The following STARD6 variants were observed in gnomAD, a reference collection of about 807,000 sequenced individuals.
STARD6 encodes stAR-related lipid transfer protein 6.
STARD6 carries 21 observed loss-of-function variants against 22.3 expected under a neutral mutation model. That is an observed-to-expected ratio of 0.94 (90% CI 0.67 to 1.35). The LOEUF is 1.35. Among genes scored for constraint, STARD6 ranks in the 40% most tolerant of loss-of-function variants. The pLI, the probability that STARD6 is intolerant of heterozygous loss-of-function variation, is 0.00. For missense variants in STARD6, 269 were observed against 266.9 expected, an observed-to-expected ratio of 1.01 and a Z score of -0.05; for synonymous variants, 80 against 88.1, an observed-to-expected ratio of 0.91 and a Z score of 0.52.
intron 4 of STARD6, among the ~76,000 whole-genome samples, chr18:54,343,335 C>G (rs1287283476): frequency 7.0e-6 from 1 of 143,048 alleles, no homozygotes; most frequent in Admixed American, 6.8e-5. Flanking sequence ...TGAGGAGCAT[C>G]TCCGCCCGGC....
chr18:54,324,733 T>C lies in STARD6; in HGVS notation c.622A>G (p.Thr208Ala), dbSNP rs1033896873. 7 of 1,613,150 alleles carry C rather than the reference T, an allele frequency of 4.3e-6. No individual in the cohort carries two copies. Among genetic ancestry groups the C allele is most frequent in the Non-Finnish European group, 5.9e-6 (7 of 1,179,614 alleles). Residue 208 changes from threonine (T) to alanine (A), a missense_variant, in exon 8 of 8, where the codon ACT becomes GCT. By Grantham distance (58) the Thr-to-Ala change is moderately conservative. Transcript: ENST00000307844. ...NAKDGIKAHR[T>A]PSRRGFHHNS... ...TGATGAAATCCACGTCTTGATGGAG[T>C]TCTGTGTGCCTTTATTCCATCTTTT...
intron 5 of STARD6, among the ~76,000 whole-genome samples, chr18:54,335,331 G>A (rs2088899305): frequency 1.3e-5 from 2 of 151,792 alleles, no homozygotes; most frequent in African/African-American, 4.8e-5. Context: ...AGTAGCTGGG[G>A]TCACAGGCGC....
intron 4 of STARD6, among the ~76,000 whole-genome samples, chr18:54,340,343 AGATTCT>A (rs1330674262): frequency 6.6e-6 from 1 of 152,164 alleles, no homozygotes; most frequent in Non-Finnish European, 1.5e-5. Context: ...CATCTGCAGT[AGATTCT>A]GATGAATTAA....
In STARD6 at chr18:54,354,505, G is replaced by C. The variant is rs559785396; in HGVS notation, c.69C>G (p.Gly23=). 8 of 1,613,186 alleles carry C rather than the reference G, an allele frequency of 5.0e-6. No homozygotes were observed. The highest frequency in any genetic ancestry group is 6.8e-6 in the Non-Finnish European group (8 of 1,179,564). The change falls in exon 3 of 8, where the codon GGC becomes GGG. Residue 23 remains glycine, a synonymous_variant. Coordinates refer to ENST00000307844, the MANE Select transcript of STARD6 (RefSeq NM_139171.2). ...EVLGYNRDTS[G]WKVVKTSKKI... is the part of the protein sequence containing the mutation. Reference sequence around the variant, plus strand: ...TTACTGAAGTTTTAACCACTTTCCAGCCTGATGTATCTCGATTATAACCTA... The same window carrying C: ...TTACTGAAGTTTTAACCACTTTCCACCCTGATGTATCTCGATTATAACCTA...
chr18:54,345,891 T>C (rs2089029144), intron 4 of STARD6, among the ~76,000 whole-genome samples: 1 of 152,144 alleles, frequency 6.6e-6, no homozygotes, highest in Non-Finnish European at 1.5e-5. Context: ...AAAGATTGAA[T>C]TGGACTCCTG....
At chr18:54,332,399 C>A (rs985643454) in intron 5 of STARD6, among the ~76,000 whole-genome samples, 1 of 152,216 alleles carries the variant, frequency 6.6e-6, no homozygotes, top group Non-Finnish European at 1.5e-5. Flanking sequence ...AAACAACCCT[C>A]CTTCTCAACA....
intron 1 of STARD6, among the ~76,000 whole-genome samples, chr18:54,357,318 A>T (rs2089159969): frequency 6.6e-6 from 1 of 152,086 alleles, no homozygotes; most frequent in Non-Finnish European, 1.5e-5. Context: ...GGTCACTGCC[A>T]TTCTTCCCTG....
At chr18:54,343,452 G>A (rs1416637511) in intron 4 of STARD6, among the ~76,000 whole-genome samples, 2 of 130,626 alleles carry the variant, frequency 1.5e-5, no homozygotes, top group African/African-American at 6.0e-5. Flanking sequence ...CAGCCGCCCG[G>A]TCTGGGAGGT....
chr18:54,349,919 A>G (rs1317447576), intron 4 of STARD6, among the ~76,000 whole-genome samples: 1 of 152,126 alleles, frequency 6.6e-6, no homozygotes, highest in Admixed American at 6.6e-5. Flanking sequence ...TATAATTGCA[A>G]TTGCAAATTG....
chr18:54,335,486 G>A (rs1044089967), intron 5 of STARD6, among the ~76,000 whole-genome samples: 1 of 152,006 alleles, frequency 6.6e-6, no homozygotes, highest in Non-Finnish European at 1.5e-5. Context: ...GAGCCACCGC[G>A]CTCAGCCCCA....
intron 4 of STARD6, among the ~76,000 whole-genome samples, chr18:54,342,469 C>T (rs201200209): frequency 6.9e-6 from 1 of 144,796 alleles, no homozygotes; most frequent in African/African-American, 2.8e-5. Context: ...CTCTCCCTCC[C>T]TCTCCGTCTC....
intron 5 of STARD6, among the ~76,000 whole-genome samples, chr18:54,333,803 G>GTTTA (rs1055973312): frequency 6.6e-6 from 1 of 152,146 alleles, no homozygotes; most frequent in African/African-American, 2.4e-5. Context: ...TATGTGGGAT[G>GTTTA]TTTATTTATT....
At chr18:54,340,143 T>C (rs4939758) in intron 4 of STARD6, among the ~76,000 whole-genome samples, 54,394 of 151,974 alleles carry the variant, frequency 0.36, 11,298 homozygotes, top group East Asian at 0.68. Context: ...TATCTTGAAG[T>C]ATGTTTGTAT....
At chr18:54,350,784 G>A (rs114625388) in intron 4 of STARD6, among the ~76,000 whole-genome samples, 50 of 152,288 alleles carry the variant, frequency 3.3e-4, no homozygotes, top group African/African-American at 1.2e-3. Flanking sequence ...TTGTGGATCA[G>A]TTGGCTGTGG....
At chr18:54,342,529 C>T (rs1316906017) in intron 4 of STARD6, among the ~76,000 whole-genome samples, 59 of 128,664 alleles carry the variant, frequency 4.6e-4, no homozygotes, top group African/African-American at 6.3e-4. Flanking sequence ...GGAGCCGAAG[C>T]TGGACTGTAC....
In STARD6 at chr18:54,341,499, G is replaced by A. The variant is rs142783234; in HGVS notation, c.141-4248C>T. Reference sequence around the variant, plus strand: ...TAGACATTCTTCTCAAGTGCATCTGGTACATTCTACAAGAGAGACCATCGT... The same window carrying A: ...TAGACATTCTTCTCAAGTGCATCTGATACATTCTACAAGAGAGACCATCGT... On this transcript the variant is annotated intron_variant, in intron 4 of 7. Coordinates refer to ENST00000307844, the MANE Select transcript of STARD6 (RefSeq NM_139171.2). Among the ~76,000 whole-genome samples, 51 of 152,214 alleles carry A rather than the reference G, an allele frequency of 3.4e-4. No homozygotes were observed. The East Asian group carries it at 8.7e-3, about 26-fold the overall frequency.
chr18:54,336,542 C>T (rs527616916), intron 5 of STARD6, among the ~76,000 whole-genome samples: 49 of 152,256 alleles, frequency 3.2e-4, no homozygotes, highest in Middle Eastern at 3.4e-3. Context: ...TCATAGCCGG[C>T]GGACTCATAC....
chr18:54,352,853 A>C (rs887711086), intron 4 of STARD6, among the ~76,000 whole-genome samples: 2 of 152,184 alleles, frequency 1.3e-5, no homozygotes, highest in Non-Finnish European at 2.9e-5. Context: ...AATAACTTCC[A>C]AGCTTTTAAA....
At chr18:54,356,759 C>CT (rs1310832610) in intron 1 of STARD6, among the ~76,000 whole-genome samples, 2 of 152,130 alleles carry the variant, frequency 1.3e-5, no homozygotes, top group African/African-American at 4.8e-5. Flanking sequence ...TTGTTAATCC[C>CT]CGACCAGGGC....
Sources: allele counts gnomAD v4.1 joint callset (sites outside exome capture counted in the v4.1 genomes callset), GRCh38; gene constraint gnomAD v4.1.1; transcripts MANE v1.5; gene names NCBI Gene and HGNC (gene_info 2026-07-23, HGNC 2026-07-21).